The following NCK2 variants were observed in gnomAD, a reference collection of about 807,000 sequenced individuals.
NCK2 encodes the protein NCK adaptor protein 2, also known as cytoplasmic protein NCK2.
NCK2 carries 16 observed loss-of-function variants against 33.9 expected under a neutral mutation model. That is an observed-to-expected ratio of 0.47 (90% confidence interval 0.32 to 0.72). NCK2 has a LOEUF of 0.72. Ranked by LOEUF, NCK2 falls within the 30% of genes least tolerant of loss-of-function variation. NCK2 has a pLI of 0.03. For missense variants in NCK2, 418 were observed against 537.3 expected, an observed-to-expected ratio of 0.78 and a Z score of 2.19; for synonymous variants, 273 against 239.9, an observed-to-expected ratio of 1.14 and a Z score of -1.27.
At position 105,833,792 on chromosome 2, in the gene NCK2, C is replaced by T. The variant is rs558173108; in HGVS notation, c.-17+17179C>T. ...ACTTTTTTGATGTGGGCATTTATTGCTATAAACATCCCTCTTAGCACTGCT... is the reference window on the plus strand; with the variant it reads ...ACTTTTTTGATGTGGGCATTTATTGTTATAAACATCCCTCTTAGCACTGCT... On this transcript the variant is annotated intron_variant, in intron 2 of 4. Transcript: ENST00000233154. Among the ~76,000 whole-genome samples, 5 of 152,144 alleles carry T rather than the reference C, an allele frequency of 3.3e-5. No homozygotes were observed. In the East Asian group the frequency reaches 9.7e-4, roughly 29 times the overall value.
chr2:105,746,382 C>T (rs1406172195), intron 1 of NCK2, among the ~76,000 whole-genome samples: 2 of 152,160 alleles, frequency 1.3e-5, no homozygotes, highest in African/African-American at 4.8e-5. Context: ...CCCCGCTTCT[C>T]GGAAGGGATT....
At chr2:105,761,167 A>C (rs1689752900) in intron 1 of NCK2, among the ~76,000 whole-genome samples, 1 of 152,190 alleles carries the variant, frequency 6.6e-6, no homozygotes, top group African/African-American at 2.4e-5. Context: ...TCTTCTGGGC[A>C]GCAGGGTTGT....
chr2:105,795,843 C>T (rs141225838), intron 1 of NCK2, among the ~76,000 whole-genome samples: 232 of 152,260 alleles, frequency 1.5e-3, no homozygotes, highest in African/African-American at 5.0e-3. Flanking sequence ...CTTCCTTCGC[C>T]GCTTCCTCTC....
At chr2:105,753,904 T>C (rs1176308576) in intron 1 of NCK2, among the ~76,000 whole-genome samples, 1 of 152,164 alleles carries the variant, frequency 6.6e-6, no homozygotes, top group African/African-American at 2.4e-5. Flanking sequence ...CAAGTCCAAA[T>C]GTAGATTCTT....
intron 1 of NCK2, among the ~76,000 whole-genome samples, chr2:105,769,199 C>T (rs1690044799): frequency 6.6e-6 from 1 of 152,084 alleles, no homozygotes; most frequent in African/African-American, 2.4e-5. Flanking sequence ...AGCTCTATGC[C>T]AGAAACCAGG....
intron 1 of NCK2, among the ~76,000 whole-genome samples, chr2:105,803,531 T>C (rs779591948): frequency 2.0e-5 from 3 of 152,214 alleles, no homozygotes; most frequent in African/African-American, 4.8e-5. Context: ...GGAAACCTAG[T>C]TTCTGAGGTT....
At chr2:105,843,029 A>C (rs1354431340) in intron 2 of NCK2, among the ~76,000 whole-genome samples, 1 of 152,174 alleles carries the variant, frequency 6.6e-6, no homozygotes, top group Non-Finnish European at 1.5e-5. Flanking sequence ...TAGAGTCTGC[A>C]TAGGAGAAAT....
intron 2 of NCK2, among the ~76,000 whole-genome samples, chr2:105,851,302 C>T (rs916991524): frequency 6.6e-6 from 1 of 151,178 alleles, no homozygotes; most frequent in Non-Finnish European, 1.5e-5. Context: ...CTCGCTCTGT[C>T]GCCTAGGCTG....
chr2:105,785,127 G>A (rs1215399917), intron 1 of NCK2, among the ~76,000 whole-genome samples: 1 of 152,098 alleles, frequency 6.6e-6, no homozygotes, highest in African/African-American at 2.4e-5. Flanking sequence ...TACAGGCGCC[G>A]GCCACCACAC....
chr2:105,871,757 A>G (rs1678020484), intron 3 of NCK2, among the ~76,000 whole-genome samples: 1 of 152,096 alleles, frequency 6.6e-6, no homozygotes, highest in Non-Finnish European at 1.5e-5. Flanking sequence ...GGCCTCCCAA[A>G]GTGCTGGGAT....
At chr2:105,783,782 C>T (rs1285658225) in intron 1 of NCK2, among the ~76,000 whole-genome samples, 1 of 152,012 alleles carries the variant, frequency 6.6e-6, no homozygotes, top group African/African-American at 2.4e-5. Flanking sequence ...TCCTGAGCGA[C>T]TTCAGTGTGC....
At chr2:105,875,341 G>A (rs1407570318) in intron 3 of NCK2, among the ~76,000 whole-genome samples, 3 of 152,116 alleles carry the variant, frequency 2.0e-5, no homozygotes, top group African/African-American at 7.2e-5. Context: ...GCTGCTGGAG[G>A]TGCTGGCGGT....
At chr2:105,744,706 C>A (rs1036605489), upstream of NCK2, among the ~76,000 whole-genome samples, 1 of 151,366 alleles carries the variant, frequency 6.6e-6, no homozygotes, top group Admixed American at 6.6e-5. Context: ...GGGCGCGGAG[C>A]CTGGCGACGA....
At chr2:105,845,557 C>T (rs1429221671) in intron 2 of NCK2, among the ~76,000 whole-genome samples, 1 of 151,946 alleles carries the variant, frequency 6.6e-6, no homozygotes, top group Non-Finnish European at 1.5e-5. Context: ...GCATGCCCGG[C>T]TAATTTTTTG....
Position 105,823,823 on chromosome 2 carries a change from C to T in NCK2, c.-17+7210C>T, listed in dbSNP as rs183557185. Among the ~76,000 whole-genome samples, 1,386 of 152,172 alleles carry T rather than the reference C, an allele frequency of 9.1e-3. 16 individuals are homozygous for T. The highest frequency in any genetic ancestry group is 0.016 in the Non-Finnish European group (1,057 of 68,030). On this transcript the variant is annotated intron_variant, in intron 2 of 4. Coordinates refer to ENST00000233154, the MANE Select transcript of NCK2 (RefSeq NM_003581.5). ...GACAAGTTAATTGGTGAGATTTGAG[C>T]TTGATTGCTGCCTGCAAGCAGTAAG...
Position 105,893,194 on chromosome 2 carries a change from A to G in NCK2, c.*18A>G. 6.4e-7 allele frequency: 1 copy of G among 1,560,788 alleles called. No individual in the cohort carries two copies. Among genetic ancestry groups the G allele is most frequent in the Admixed American group, 1.9e-5 (1 of 53,378 alleles). ...TGCAGTGACGGCGCCCCGGCCCCAC[A>G]CTCGCCTCCCGGGCCCCACGGTGGA... On this transcript the variant is annotated 3_prime_UTR_variant, in exon 5 of 5. Coordinates refer to ENST00000233154, the MANE Select transcript of NCK2 (RefSeq NM_003581.5).
chr2:105,759,587 C>G (rs553033467), intron 1 of NCK2, among the ~76,000 whole-genome samples: 7 of 152,262 alleles, frequency 4.6e-5, no homozygotes, highest in Admixed American at 4.6e-4. Context: ...TGTCTACTTT[C>G]CCCTGTGATT....
chr2:105,812,318 C>T (rs1267347118), intron 1 of NCK2, among the ~76,000 whole-genome samples: 2 of 152,214 alleles, frequency 1.3e-5, no homozygotes, highest in African/African-American at 4.8e-5. Flanking sequence ...ATCTAAGCTG[C>T]TCAGTATCAG....
intron 1 of NCK2, among the ~76,000 whole-genome samples, chr2:105,774,344 G>T (rs972898933): frequency 1.3e-5 from 2 of 152,092 alleles, no homozygotes; most frequent in African/African-American, 4.8e-5. Flanking sequence ...TTAGGTACCT[G>T]AGTCCTCCTC....
Sources: gnomAD v4.1 joint callset for allele counts (sites outside exome capture counted in the v4.1 genomes callset) on GRCh38, gnomAD v4.1.1 for gene constraint, MANE v1.5 for transcripts, NCBI Gene and HGNC (gene_info 2026-07-23, HGNC 2026-07-21) for gene names.